The following TET1 variants were observed in gnomAD, a reference collection of about 807,000 sequenced individuals.
The protein encoded by TET1 is tet methylcytosine dioxygenase 1, also known as methylcytosine dioxygenase TET1.
Under a neutral mutation model 148.7 loss-of-function variants are expected in TET1, and 13 were observed. That is an observed-to-expected ratio of 0.09 (90% CI 0.06 to 0.14). The LOEUF is 0.14. TET1 is among the 10% of genes least tolerant of loss of function. The pLI is 1.00. For missense variants in TET1, 2,182 were observed against 2,553.8 expected, an observed-to-expected ratio of 0.85 and a Z score of 3.14; for synonymous variants, 907 against 937.2, an observed-to-expected ratio of 0.97 and a Z score of 0.59.
At chr10:68,596,236 A>T (rs2053988225) in intron 2 of TET1, among the ~76,000 whole-genome samples, 2 of 151,304 alleles carry the variant, frequency 1.3e-5, no homozygotes, top group African/African-American at 4.9e-5. Context: ...ATTTTAGGAT[A>T]TTTACAAATG....
At chr10:68,592,362 C>G (rs2053928513) in intron 2 of TET1, among the ~76,000 whole-genome samples, 2 of 152,032 alleles carry the variant, frequency 1.3e-5, no homozygotes, top group Admixed American at 6.6e-5. Flanking sequence ...AGTTTCAGGT[C>G]TGGGACAAAC....
chr10:68,676,410 A>G (rs2133207870), intron 8 of TET1, among the ~76,000 whole-genome samples: 1 of 149,306 alleles, frequency 6.7e-6, no homozygotes, highest in African/African-American at 2.5e-5. Flanking sequence ...CAGCCTCCCA[A>G]GTGGCTGGGA....
chr10:68,654,488 G>A (rs529716002), intron 6 of TET1, among the ~76,000 whole-genome samples: 240 of 152,054 alleles, frequency 1.6e-3, no homozygotes, highest in Middle Eastern at 6.8e-3. Context: ...GTGGTGGCGC[G>A]AGCCTATAGT....
chr10:68,614,704 G>A (rs1249980937), intron 3 of TET1, among the ~76,000 whole-genome samples: 5 of 152,022 alleles, frequency 3.3e-5, no homozygotes, highest in African/African-American at 9.7e-5. Context: ...AGCAGTTCTC[G>A]TGCCTGAGTC....
intron 3 of TET1, among the ~76,000 whole-genome samples, chr10:68,614,272 A>G (rs1325219002): frequency 1.3e-5 from 2 of 152,208 alleles, no homozygotes; most frequent in South Asian, 2.1e-4. Context: ...ATACAATTAT[A>G]CTATAAGGTC....
intron 8 of TET1, among the ~76,000 whole-genome samples, chr10:68,679,798 C>T (rs566786959): frequency 1.3e-5 from 2 of 152,060 alleles, no homozygotes; most frequent in African/African-American, 2.4e-5. Context: ...CTCAGACTCC[C>T]AAATATCTGG....
intron 11 of TET1, among the ~76,000 whole-genome samples, chr10:68,687,156 G>A: frequency 1.5e-5 from 1 of 68,628 alleles, no homozygotes; most frequent in South Asian, 4.9e-4. Context: ...CCCCGCCTTG[G>A]CCTCCCAAAG....
At chr10:68,619,592 T>C (rs1289003324) in intron 3 of TET1, among the ~76,000 whole-genome samples, 3 of 152,158 alleles carry the variant, frequency 2.0e-5, no homozygotes, top group Admixed American at 6.6e-5. Context: ...TAGTTGCATA[T>C]ATTCATGGGG....
chr10:68,598,219 T>C (rs1421831339), intron 2 of TET1, among the ~76,000 whole-genome samples: 1 of 152,074 alleles, frequency 6.6e-6, no homozygotes, highest in Non-Finnish European at 1.5e-5. Context: ...TGAAACCTCG[T>C]CTCCACCAAA....
At chr10:68,578,332 C>G (rs1426379958) in intron 2 of TET1, among the ~76,000 whole-genome samples, 1 of 152,132 alleles carries the variant, frequency 6.6e-6, no homozygotes, top group African/African-American at 2.4e-5. Context: ...GATCTCAGCT[C>G]ACTGCGACCT....
intron 2 of TET1, among the ~76,000 whole-genome samples, chr10:68,577,069 C>T (rs1033605895): frequency 4.6e-5 from 7 of 152,156 alleles, no homozygotes; most frequent in African/African-American, 7.2e-5. Context: ...CCACCGCGCC[C>T]GGCTAATTTT....
At chr10:68,665,145 A>G (rs1005825126) in intron 6 of TET1, among the ~76,000 whole-genome samples, 2 of 152,086 alleles carry the variant, frequency 1.3e-5, no homozygotes, top group Admixed American at 6.6e-5. Context: ...GGTCATGAAG[A>G]TGTTTTCTTC....
intron 3 of TET1, among the ~76,000 whole-genome samples, chr10:68,643,830 TA>T (rs1371647004): frequency 6.6e-6 from 1 of 152,068 alleles, no homozygotes; most frequent in Admixed American, 6.6e-5. Context: ...ATAAATTATT[TA>T]AAACATAAAA....
chr10:68,682,937 C>A lies in TET1; in HGVS notation c.5016C>A (p.His1672Gln). The A allele has an allele frequency of 6.2e-7, 1 of 1,613,946 alleles. No individual in the cohort carries two copies. Among genetic ancestry groups the A allele is most frequent in the Non-Finnish European group, 8.5e-7 (1 of 1,180,000 alleles). The change falls in exon 10 of 12, where the codon CAC becomes CAA. Residue 1672 changes from histidine to glutamine, a missense_variant. By Grantham distance (24) the His-to-Gln change is conservative (BLOSUM62 0). Coordinates refer to ENST00000373644, the MANE Select transcript of TET1 (RefSeq NM_030625.3). ...GCCTGGACTTCTGTGCTCATCCCCA[C>A]AGGGACATTCACAACATGAATAATG... ...TACLDFCAHP[H>Q]RDIHNMNNGS...
intron 4 of TET1, among the ~76,000 whole-genome samples, chr10:68,648,069 A>C (rs1381676632): frequency 1.3e-5 from 2 of 152,224 alleles, no homozygotes; most frequent in Non-Finnish European, 2.9e-5. Context: ...TCAAAGAATA[A>C]CCAGTGTGCT....
chr10:68,677,169 A>G (rs967991450), intron 8 of TET1, among the ~76,000 whole-genome samples: 2 of 152,218 alleles, frequency 1.3e-5, no homozygotes, highest in Non-Finnish European at 2.9e-5. Flanking sequence ...AGAAAGCTTT[A>G]GCAGAAAATA....
chr10:68,601,951 GAAC>G (rs1207681862), intron 3 of TET1, among the ~76,000 whole-genome samples: 62 of 152,072 alleles, frequency 4.1e-4, no homozygotes, highest in Non-Finnish European at 4.4e-5. Flanking sequence ...ACTCAAAGAG[GAAC>G]AACATGTTGA....
chr10:68,681,730 G>T (rs1043990478), intron 9 of TET1, among the ~76,000 whole-genome samples: 3 of 152,106 alleles, frequency 2.0e-5, no homozygotes, highest in African/African-American at 7.2e-5. Flanking sequence ...ACTTTGGGAG[G>T]CCAAGGCAGT....
At chr10:68,609,738 T>A (rs574842415) in intron 3 of TET1, among the ~76,000 whole-genome samples, 1 of 152,302 alleles carries the variant, frequency 6.6e-6, no homozygotes, top group Admixed American at 6.5e-5. Flanking sequence ...AGTTTGGTTA[T>A]TTTATATATA....
Sources: allele counts gnomAD v4.1 joint callset (sites outside exome capture counted in the v4.1 genomes callset), GRCh38; gene constraint gnomAD v4.1.1; transcripts MANE v1.5; gene names NCBI Gene and HGNC (gene_info 2026-07-23, HGNC 2026-07-21).